The following NEDD4 variants were observed in gnomAD, a reference collection of about 807,000 sequenced individuals.
NEDD4 encodes E3 ubiquitin-protein ligase NEDD4.
A neutral mutation model predicts 144.9 loss-of-function variants in NEDD4; 99 were observed. That is an observed-to-expected ratio of 0.68 (90% confidence interval 0.58 to 0.81). The LOEUF is 0.81. NEDD4 is among the 30% of genes least tolerant of loss of function. The pLI, the probability that NEDD4 is intolerant of heterozygous loss-of-function variation, is 0.00. For missense variants in NEDD4, 985 were observed against 1,065.9 expected (o/e 0.92, Z 1.06); for synonymous variants, 318 against 350.6 (o/e 0.91, Z 1.04).
At chr15:55,915,198 T>G in intron 5 of NEDD4, 1 of 1,274,050 alleles carries the variant, frequency 7.8e-7, no homozygotes, top group Non-Finnish European at 1.1e-6. Context: ...TATGTAAAAC[T>G]GCTTGGTTAC....
chr15:55,984,844 T>C (rs1347505615), intron 1 of NEDD4, among the ~76,000 whole-genome samples: 2 of 152,328 alleles, frequency 1.3e-5, no homozygotes, highest in East Asian at 1.9e-4. Flanking sequence ...GTAACATCAA[T>C]TGCCACAGAA....
chr15:55,945,452 C>G (rs757551038), intron 4 of NEDD4, among the ~76,000 whole-genome samples: 1 of 151,852 alleles, frequency 6.6e-6, no homozygotes, highest in South Asian at 2.1e-4. Context: ...AGTGAGAATA[C>G]AAGTTTAGAG....
chr15:55,915,957 G>C, intron 5 of NEDD4: 1 of 1,613,848 alleles, frequency 6.2e-7, no homozygotes, highest in Non-Finnish European at 8.5e-7. Flanking sequence ...AGTTTGATAG[G>C]ATCCTTTGCT....
At chr15:55,841,876 T>C in intron 19 of NEDD4, 58 bp downstream of exon 19, 4 of 1,490,088 alleles carry the variant, frequency 2.7e-6, no homozygotes, top group Middle Eastern at 1.7e-4. Flanking sequence ...CGGCCGACTC[T>C]TACTTTTAAA....
At chr15:55,907,124 A>T (rs1371927704) in intron 5 of NEDD4, among the ~76,000 whole-genome samples, 1 of 151,844 alleles carries the variant, frequency 6.6e-6, no homozygotes, top group African/African-American at 2.4e-5. Flanking sequence ...TAAAAAATAA[A>T]CAAAATTTTA....
chr15:55,902,194 G>T (rs1388177266), intron 5 of NEDD4, among the ~76,000 whole-genome samples: 1 of 152,106 alleles, frequency 6.6e-6, no homozygotes, highest in African/African-American at 2.4e-5. Flanking sequence ...TCTGATTAAA[G>T]AAAGAGAAAA....
chr15:55,874,979 A>G (rs1373873914), intron 5 of NEDD4, among the ~76,000 whole-genome samples: 2 of 54,146 alleles, frequency 3.7e-5, no homozygotes, highest in Non-Finnish European at 1.1e-4. Context: ...GCTCAAAAAG[A>G]AAAAAAAAAA....
chr15:55,872,467 G>A lies in NEDD4; in HGVS notation c.352C>T (p.Pro118Ser). 1.4e-6 allele frequency: 2 copies of A among 1,444,634 alleles called. No homozygotes were observed. The highest frequency in any genetic ancestry group is 1.4e-5 in the African/African-American group (1 of 69,464). The allele number at this position is 1,444,634 out of a possible 1,614,324, so 89.5% of individuals were successfully genotyped here. Residue 118 changes from proline (P) to serine (S), a missense_variant, in exon 7 of 29, where the codon CCA becomes TCA. Pro to Ser is a moderately conservative substitution (Grantham distance 74, BLOSUM62 -1). Coordinates refer to ENST00000435532, the MANE Select transcript of NEDD4 (RefSeq NM_006154.4). ...VPLYPLPTEN[P>S]RLERPYTFKD... ...AATGTATATGGTCTCTCCAATCTTG[G>A]ATTTTCTGTCTAGAATAAAATAGTG...
intron 4 of NEDD4, among the ~76,000 whole-genome samples, chr15:55,949,097 C>T (rs186632401): frequency 6.6e-6 from 1 of 152,166 alleles, no homozygotes; most frequent in Admixed American, 6.5e-5. Flanking sequence ...AGAACACAAA[C>T]AAATTTACAA....
chr15:55,913,191 C>G (rs1202891280), intron 5 of NEDD4, among the ~76,000 whole-genome samples: 2 of 152,050 alleles, frequency 1.3e-5, no homozygotes, highest in East Asian at 3.8e-4. Flanking sequence ...AAATGCTACT[C>G]TAATATCAAC....
chr15:55,834,111 T>C lies in NEDD4; in HGVS notation c.2357A>G (p.Asn786Ser), dbSNP rs2033085826. ...LMCGLGDVDV[N>S]DWREHTKYKN... ...ATACTTTGTATGTTCCCTCCAGTCA[T>C]TCACATCAACATCTCCCAGTCCACA... The change falls in exon 26 of 29, where the codon AAT becomes AGT. Residue 786 changes from asparagine (N) to serine (S), a missense_variant. Transcript: ENST00000435532. The C allele has an allele frequency of 7.4e-6, 12 of 1,613,738 alleles. No homozygotes were observed. The highest frequency in any genetic ancestry group is 9.3e-6 in the Non-Finnish European group (11 of 1,179,966).
rs143073113 is a variant in NEDD4 at position 55,876,448 on chromosome 15, T to C, written c.292-2440A>G. On this transcript the variant is annotated intron_variant, in intron 5 of 28. Transcript: ENST00000435532. The stretch of plus-strand genomic sequence containing the variant: ...CGCTATACTATGGGTTTAAAATATA[T>C]GTAGATGTAATAAAAATGACAACAT... 8.5e-5 allele frequency among the ~76,000 whole-genome samples: 13 copies of C among 152,118 alleles called. No individual in the cohort carries two copies. The East Asian group carries it at 1.3e-3, about 16-fold the overall frequency.
At chr15:55,975,792 A>G (rs1307512342) in intron 1 of NEDD4, among the ~76,000 whole-genome samples, 1 of 152,188 alleles carries the variant, frequency 6.6e-6, no homozygotes, top group African/African-American at 2.4e-5. Flanking sequence ...CCTAAAATAC[A>G]TGGAATCACA....
At chr15:55,882,438 G>A (rs556783309) in intron 5 of NEDD4, among the ~76,000 whole-genome samples, 1 of 152,260 alleles carries the variant, frequency 6.6e-6, no homozygotes, top group East Asian at 1.9e-4. Context: ...GCAACACCAG[G>A]CAGAACTCAG....
At chr15:55,912,020 C>T (rs981308571) in intron 5 of NEDD4, among the ~76,000 whole-genome samples, 1 of 152,230 alleles carries the variant, frequency 6.6e-6, no homozygotes, top group Non-Finnish European at 1.5e-5. Context: ...AACAATTCAG[C>T]ACTCTGAATC....
rs78074059 is a variant in NEDD4, at chr15:55,890,910, T to C, written c.292-16902A>G. ...GCCAATGAGATTGAGCATCTTTTCA[T>C]GTGCTTATTGTGCTTATTTCCTAAA... On this transcript the variant is annotated intron_variant, in intron 5 of 28. Coordinates refer to ENST00000435532, the MANE Select transcript of NEDD4 (RefSeq NM_006154.4). Among the ~76,000 whole-genome samples the C allele has an allele frequency of 2.1e-3, 327 of 152,332 alleles. 13 individuals are homozygous for C. The East Asian group carries it at 0.053, about 25-fold the overall frequency.
intron 5 of NEDD4, among the ~76,000 whole-genome samples, chr15:55,874,215 C>T (rs1167419043): frequency 6.6e-6 from 1 of 151,888 alleles, no homozygotes; most frequent in Non-Finnish European, 1.5e-5. Context: ...CTGCAGATAA[C>T]AATTATATTC....
rs992471522 is a variant in NEDD4 at position 55,952,291 on chromosome 15, G to A, written c.120-702C>T. 5.3e-5 allele frequency among the ~76,000 whole-genome samples: 8 copies of A among 152,096 alleles called. No homozygotes were observed. The South Asian group carries it at 1.2e-3, about 24-fold the overall frequency. On this transcript the variant is annotated intron_variant, in intron 2 of 28. Transcript: ENST00000435532. ...GGAGCTTGCAGTGAGCCAAGATCAC[G>A]CCACTGCACTCAAGCCTGGGCGACA...
chr15:55,836,266 T>C (rs1401676504), intron 24 of NEDD4, among the ~76,000 whole-genome samples: 1 of 152,030 alleles, frequency 6.6e-6, no homozygotes, highest in Non-Finnish European at 1.5e-5. Context: ...ACAGGACCTA[T>C]GTCTTTTGGC....
Sources: allele counts gnomAD v4.1 joint callset (sites outside exome capture counted in the v4.1 genomes callset), GRCh38; gene constraint gnomAD v4.1.1; transcripts MANE v1.5; gene names NCBI Gene and HGNC (gene_info 2026-07-23, HGNC 2026-07-21).